Variants in LCMT1 observed in about 807,000 individuals in gnomAD.
LCMT1 encodes [Phosphatase 2A protein]-leucine-carboxy methyltransferase 1.
A neutral mutation model predicts 47.7 loss-of-function variants in LCMT1; 32 were observed. That is an observed-to-expected ratio of 0.67 (90% CI 0.51 to 0.90). The LOEUF is 0.90. Among genes scored for constraint, LCMT1 ranks in the 40% least tolerant of loss-of-function variants. The pLI, the probability that LCMT1 is intolerant of heterozygous loss-of-function variation, is 0.00. For missense variants in LCMT1, 375 were observed against 415.2 expected, an observed-to-expected ratio of 0.90 and a Z score of 0.84; for synonymous variants, 152 against 149.7, an observed-to-expected ratio of 1.02 and a Z score of -0.11.
At chr16:25,125,772 C>CTT (rs1036137787) in intron 1 of LCMT1, among the ~76,000 whole-genome samples, 6 of 151,586 alleles carry the variant, frequency 4.0e-5, no homozygotes, top group African/African-American at 1.5e-4. Context: ...GCGGGGGTTG[C>CTT]AGTGAGCCGA....
chr16:25,171,652 A>C (rs1480527516), intron 9 of LCMT1, among the ~76,000 whole-genome samples: 1 of 152,208 alleles, frequency 6.6e-6, no homozygotes, highest in Non-Finnish European at 1.5e-5. Context: ...AGAGGGAGGA[A>C]AACGACGTTG....
chr16:25,163,346 A>G (rs277902), intron 6 of LCMT1, among the ~76,000 whole-genome samples: 38,771 of 151,730 alleles, frequency 0.26, 5,052 homozygotes, highest in East Asian at 0.34. Flanking sequence ...GTGTGTGCCT[A>G]TAGTCCCAGC....
intron 7 of LCMT1, among the ~76,000 whole-genome samples, chr16:25,166,164 G>A (rs530692036): frequency 2.9e-4 from 44 of 151,836 alleles, no homozygotes; most frequent in African/African-American, 1.0e-3. Flanking sequence ...CAGCTACTTG[G>A]GAGGCTGAGG....
At chr16:25,159,740 T>C (rs943721680) in intron 5 of LCMT1, among the ~76,000 whole-genome samples, 4 of 152,074 alleles carry the variant, frequency 2.6e-5, no homozygotes, top group Non-Finnish European at 4.4e-5. Context: ...GTTATCAAGA[T>C]GATAAATGAG....
intron 3 of LCMT1, among the ~76,000 whole-genome samples, chr16:25,138,864 G>A (rs1305605493): frequency 6.6e-6 from 1 of 152,052 alleles, no homozygotes; most frequent in Non-Finnish European, 1.5e-5. Flanking sequence ...TTTCCTGTGA[G>A]CCCCACATGT....
chr16:25,145,865 A>T (rs1960834298), intron 4 of LCMT1: 1 of 152,270 alleles, frequency 6.6e-6, no homozygotes, highest in African/African-American at 2.4e-5. Flanking sequence ...GAAGTGTCCG[A>T]TAGGGAAGGG....
intron 1 of LCMT1, among the ~76,000 whole-genome samples, chr16:25,125,643 C>T (rs1025650132): frequency 1.3e-5 from 2 of 151,618 alleles, no homozygotes; most frequent in Admixed American, 1.3e-4. Context: ...GACCAGCTGC[C>T]CAAGGTGGTG....
chr16:25,159,565 T>C (rs1328653476), intron 5 of LCMT1, among the ~76,000 whole-genome samples: 1 of 152,098 alleles, frequency 6.6e-6, no homozygotes, highest in East Asian at 1.9e-4. Context: ...CGCACCCAGA[T>C]ACATGCCATA....
At chr16:25,129,948 G>A (rs114290271) in intron 2 of LCMT1, among the ~76,000 whole-genome samples, 2,537 of 152,248 alleles carry the variant, frequency 0.017, 67 homozygotes, top group African/African-American at 0.058. Context: ...CACTGTGGGT[G>A]GGAGGGAAAG....
intron 3 of LCMT1, among the ~76,000 whole-genome samples, chr16:25,133,120 C>CAT (rs1284140414): frequency 1.3e-5 from 2 of 151,930 alleles, no homozygotes; most frequent in Non-Finnish European, 2.9e-5. Context: ...CTCAGCCTCT[C>CAT]AAAGTGCTGG....
intron 3 of LCMT1, among the ~76,000 whole-genome samples, chr16:25,138,695 G>C (rs1409715537): frequency 6.6e-6 from 1 of 152,206 alleles, no homozygotes; most frequent in East Asian, 1.9e-4. Flanking sequence ...TCATTTTAGG[G>C]TGCTGCTTTC....
intron 3 of LCMT1, among the ~76,000 whole-genome samples, chr16:25,136,021 G>A (rs973711839): frequency 6.7e-6 from 1 of 149,938 alleles, no homozygotes; most frequent in Non-Finnish European, 1.5e-5. Context: ...AGCCCCGGAG[G>A]TCGAGACTGT....
chr16:25,140,078 C>A, intron 3 of LCMT1, 93 bp from the exon 4 acceptor site: 3 of 818,914 alleles, frequency 3.7e-6, no homozygotes, highest in Non-Finnish European at 5.7e-6. Flanking sequence ...TCCTTAAACA[C>A]TATTGCTCTT....
At chr16:25,151,434 AT>A (rs1428246975) in intron 4 of LCMT1, 119 bp from the exon 5 acceptor site, 2 of 829,234 alleles carry the variant, frequency 2.4e-6, no homozygotes, top group Admixed American at 2.3e-5. Context: ...GCTTTGAACA[AT>A]AGCAAATATA....
intron 5 of LCMT1, among the ~76,000 whole-genome samples, chr16:25,159,180 A>G (rs1395788174): frequency 2.0e-5 from 3 of 152,220 alleles, no homozygotes; most frequent in African/African-American, 4.8e-5. Context: ...CTCATTCCAA[A>G]TGTGCTTATT....
intron 5 of LCMT1, among the ~76,000 whole-genome samples, chr16:25,155,676 C>CTT (rs35255738): frequency 0.051 from 7,095 of 140,438 alleles, 219 homozygotes; most frequent in East Asian, 0.14. Context: ...TTCTTTCTTT[C>CTT]TTTTTTTTTT....
At chr16:25,127,467 G>A (rs1960223543) in intron 1 of LCMT1, among the ~76,000 whole-genome samples, 1 of 152,178 alleles carries the variant, frequency 6.6e-6, no homozygotes, top group Non-Finnish European at 1.5e-5. Context: ...GTCTATGGAT[G>A]GAAGAGGTTG....
chr16:25,121,193 C>T (rs1326987353), intron 1 of LCMT1, among the ~76,000 whole-genome samples: 5 of 151,616 alleles, frequency 3.3e-5, no homozygotes, highest in Non-Finnish European at 2.9e-5. Flanking sequence ...TTTGGGAGGC[C>T]GAGGCAGGTG....
At chr16:25,112,276 A>G (rs1253075057) in intron 1 of LCMT1, among the ~76,000 whole-genome samples, 2 of 152,212 alleles carry the variant, frequency 1.3e-5, no homozygotes, top group Non-Finnish European at 2.9e-5. Flanking sequence ...TCTTGGAGCT[A>G]AACGCTGCTG....
Sources: allele counts gnomAD v4.1 joint callset (sites outside exome capture counted in the v4.1 genomes callset), GRCh38; gene constraint gnomAD v4.1.1; transcripts MANE v1.5; gene names NCBI Gene and HGNC (gene_info 2026-07-23, HGNC 2026-07-21).